Variants in KCTD21 observed in about 807,000 individuals in gnomAD.
KCTD21 encodes the protein BTB/POZ domain-containing protein KCTD21.
KCTD21 carries 9 observed loss-of-function variants against 13.2 expected under a neutral mutation model. The ratio of observed to expected loss-of-function variants is 0.68; its 90% confidence interval spans 0.41 to 1.19. The LOEUF (loss-of-function observed/expected upper bound fraction) is 1.19, where lower values mean the gene tolerates loss of function less well. Ranked by LOEUF, KCTD21 falls within the 50% of genes most tolerant of loss-of-function variation. The pLI, the probability that KCTD21 is intolerant of heterozygous loss-of-function variation, is 0.01. For missense variants in KCTD21, 303 were observed against 336.5 expected (o/e 0.90, Z 0.78); for synonymous variants, 142 against 137.4 (o/e 1.03, Z -0.23).
chr11:78,185,390 C>T (rs1862738022), intron 1 of KCTD21, among the ~76,000 whole-genome samples: 1 of 152,170 alleles, frequency 6.6e-6, no homozygotes, highest in African/African-American at 2.4e-5. Flanking sequence ...TTGTGCCAGA[C>T]CCCAATAAGT....
chr11:78,174,213 G>A lies in KCTD21; in HGVS notation c.342C>T (p.Ile114=), dbSNP rs772160461. The change falls in exon 2 of 2, where the codon ATC becomes ATT. Residue 114 remains isoleucine (I), a synonymous_variant. Coordinates refer to ENST00000340067, the MANE Select transcript of KCTD21 (RefSeq NM_001029859.3). The part of the protein sequence containing the change: ...SKAEKNAMLN[I]TLNQRVQTVH... ...CCGTCTGCACACGCTGGTTCAGTGT[G>A]ATGTTGAGCATGGCATTCTTCTCGG... 23 of 1,613,956 alleles carry A rather than the reference G, an allele frequency of 1.4e-5. No homozygotes were observed. Among genetic ancestry groups the A allele is most frequent in the Non-Finnish European group, 1.8e-5 (21 of 1,180,040 alleles).
At chr11:78,180,163 C>T (rs1862574243) in intron 1 of KCTD21, among the ~76,000 whole-genome samples, 1 of 152,128 alleles carries the variant, frequency 6.6e-6, no homozygotes. Flanking sequence ...TTGGATAGGA[C>T]CTAAAAGGGA....
rs145428508 is a variant in KCTD21, at chr11:78,174,453, G to A, written c.102C>T (p.Ser34=). 3.2e-5 allele frequency: 52 copies of A among 1,613,960 alleles called. No individual in the cohort carries two copies. The highest frequency in any genetic ancestry group is 3.2e-4 in the African/African-American group (24 of 74,888). ...FPDSMLGAMF[S]GKMPTKRDSQ... is the part of the protein sequence containing the mutation. ...TGTCCCTCTTGGTGGGCATCTTCCC[G>A]CTGAACATGGCGCCTAGCATGGAGT... The change falls in exon 2 of 2, where the codon AGC becomes AGT. Residue 34 remains serine (S), a synonymous_variant. Transcript: ENST00000340067.
Position 78,174,257 on chromosome 11 carries a change from C to A in KCTD21, c.298G>T (p.Glu100Ter), listed in dbSNP as rs1293985886. 6.2e-7 allele frequency: 1 copy of A among 1,614,070 alleles called. No individual in the cohort carries two copies. The highest frequency in any genetic ancestry group is 8.5e-7 in the Non-Finnish European group (1 of 1,180,040). The change falls in exon 2 of 2, where the codon GAA becomes TAA. Residue 100 changes from glutamate (E) to a stop codon, truncating the protein, a stop_gained. Transcript: ENST00000340067. LOFTEE classifies it high-confidence loss of function. ...TTCTCGGCCTTGGAGAGCTCCACTT[C>A]CTTCTCCTGCAGGGCCTCAATCAGG... Reference protein sequence around the residue: ...QPLIEALQEKEVELSKAEKNA... With the variant: ...QPLIEALQEK
rs1322125619 is a variant in KCTD21, at chr11:78,173,875, A to G, written c.680T>C (p.Val227Ala). ...INSFQVFVEEVLKIALSDGFC... is the reference protein window; with the variant it reads ...INSFQVFVEEALKIALSDGFC... ...GCCATCGCTCAGAGCGATTTTCAGTACCTCTTCCACGAAGACCTGGAAGCT... is the reference window on the plus strand; with the variant it reads ...GCCATCGCTCAGAGCGATTTTCAGTGCCTCTTCCACGAAGACCTGGAAGCT... Residue 227 changes from valine (V) to alanine (A), a missense_variant, in exon 2 of 2, where the codon GTA becomes GCA. Val to Ala is a moderately conservative substitution (Grantham distance 64). Coordinates refer to ENST00000340067, the MANE Select transcript of KCTD21 (RefSeq NM_001029859.3). 1.2e-6 allele frequency: 2 copies of G among 1,613,888 alleles called. No homozygotes were observed. The highest frequency in any genetic ancestry group is 1.7e-5 in the Admixed American group (1 of 59,988).
intron 1 of KCTD21, chr11:78,187,507 C>T (rs774258357): frequency 2.1e-4 from 211 of 985,258 alleles, no homozygotes; most frequent in Non-Finnish European, 2.4e-4. Context: ...TTTCATCTGG[C>T]GTAGACCTCC....
chr11:78,183,237 A>G (rs1862680407), intron 1 of KCTD21, among the ~76,000 whole-genome samples: 2 of 152,134 alleles, frequency 1.3e-5, no homozygotes, highest in African/African-American at 4.8e-5. Context: ...AAACAACAAC[A>G]ACAAAACAAG....
At position 78,179,108 on chromosome 11, in the gene KCTD21, G is replaced by A. The variant is rs574544184; in HGVS notation, c.-29-4525C>T. Among the ~76,000 whole-genome samples, 6 of 152,108 alleles carry A rather than the reference G, an allele frequency of 3.9e-5. No individual in the cohort carries two copies. In the East Asian group the frequency reaches 5.8e-4, roughly 15 times the overall value. The stretch of plus-strand genomic sequence containing the variant: ...ACTGGGCCTTTGAGTTCCTTGCTCC[G>A]GCCCACTCCCACCCTGAGGAGTGCT... On this transcript the variant is annotated intron_variant, in intron 1 of 1. Transcript: ENST00000340067.
At chr11:78,177,667 C>T (rs1192362280) in intron 1 of KCTD21, 1 of 152,286 alleles carries the variant, frequency 6.6e-6, no homozygotes, top group Non-Finnish European at 1.5e-5. Flanking sequence ...GTTTCAGTCT[C>T]TCTTTCTTCT....
At chr11:78,183,851 G>A (rs1862697707) in intron 1 of KCTD21, among the ~76,000 whole-genome samples, 2 of 151,956 alleles carry the variant, frequency 1.3e-5, no homozygotes, top group African/African-American at 2.4e-5. Context: ...TAGCCAGGAT[G>A]GTCTCGATCT....
At chr11:78,181,623 C>T (rs1284071273) in intron 1 of KCTD21, among the ~76,000 whole-genome samples, 4 of 152,100 alleles carry the variant, frequency 2.6e-5, no homozygotes. Flanking sequence ...TAAAGACTGT[C>T]AAAATTCATG....
chr11:78,184,809 G>T (rs1862725337), intron 1 of KCTD21, among the ~76,000 whole-genome samples: 2 of 152,114 alleles, frequency 1.3e-5, no homozygotes, highest in Non-Finnish European at 2.9e-5. Context: ...GAGTGCAGTG[G>T]CGCGATCATG....
intron 1 of KCTD21, among the ~76,000 whole-genome samples, chr11:78,181,784 T>TA (rs1057005613): frequency 7.7e-4 from 116 of 151,050 alleles, no homozygotes; most frequent in African/African-American, 2.5e-3. Context: ...CTGTCTCAAT[T>TA]AAAAAAAAAG....
chr11:78,187,929 C>G (rs1480339958), intron 1 of KCTD21: 1 of 985,132 alleles, frequency 1.0e-6, no homozygotes, highest in Non-Finnish European at 1.2e-6. Context: ...CCTCACATTC[C>G]TCACCTGTCA....
chr11:78,187,862 G>A, intron 1 of KCTD21: 20 of 985,392 alleles, frequency 2.0e-5, no homozygotes, highest in Non-Finnish European at 2.4e-5. Context: ...AGAAAAGCAA[G>A]GTCTTTGAAG....
At chr11:78,187,284 C>T in intron 1 of KCTD21, 1 of 985,366 alleles carries the variant, frequency 1.0e-6, no homozygotes, top group Non-Finnish European at 1.2e-6. Flanking sequence ...TCCTGACCAC[C>T]CCACATCAAA....
At chr11:78,185,295 C>G (rs1207472230) in intron 1 of KCTD21, among the ~76,000 whole-genome samples, 1 of 152,042 alleles carries the variant, frequency 6.6e-6, no homozygotes, top group African/African-American at 2.4e-5. Flanking sequence ...TTTATGTAAG[C>G]TTGAAAATTT....
chr11:78,182,967 G>C (rs1376539693), intron 1 of KCTD21, among the ~76,000 whole-genome samples: 1 of 152,178 alleles, frequency 6.6e-6, no homozygotes, highest in South Asian at 2.1e-4. Flanking sequence ...ACTAGCTGTT[G>C]TAACAATAAA....
In KCTD21 at chr11:78,188,222, C is replaced by T. The variant is rs1862863996; in HGVS notation, c.-30+351G>A. The T allele has an allele frequency of 1.4e-5, 14 of 984,990 alleles. No homozygotes were observed. In the South Asian group the frequency reaches 4.7e-4, roughly 33 times the overall value. 61.0% of individuals were successfully genotyped at this position (984,990 alleles called of 1,614,324 possible). On this transcript the variant is annotated intron_variant, in intron 1 of 1. Coordinates refer to ENST00000340067, the MANE Select transcript of KCTD21 (RefSeq NM_001029859.3). ...CCACTCCCCAGCCCTACAGCCCCCA[C>T]TCCGACCTGACAAGTGCCCCACCCC...
Sources: gnomAD v4.1 joint callset for allele counts (sites outside exome capture counted in the v4.1 genomes callset) on GRCh38, gnomAD v4.1.1 for gene constraint, MANE v1.5 for transcripts, NCBI Gene and HGNC (gene_info 2026-07-23, HGNC 2026-07-21) for gene names.